Variants in CBLN2 observed in about 807,000 individuals in gnomAD.
CBLN2 encodes cerebellin-2.
A neutral mutation model predicts 15.0 loss-of-function variants in CBLN2; 7 were observed. The observed-to-expected ratio is 0.47, with a 90% CI of 0.27 to 0.88. The LOEUF (loss-of-function observed/expected upper bound fraction) is 0.88. CBLN2 is among the 40% of genes least tolerant of loss of function. The pLI is 0.14. For missense variants in CBLN2, 242 were observed against 304.5 expected (o/e 0.79, Z 1.53); for synonymous variants, 149 against 135.2 (o/e 1.10, Z -0.71).
intron 1 of CBLN2, chr18:72,618,171 G>A (rs1328526641): frequency 5.8e-6 from 1 of 173,592 alleles, no homozygotes; most frequent in Non-Finnish European, 1.2e-5. Context: ...GGCTATAAAA[G>A]TTTCCTTTCT....
At chr18:72,634,462 G>A (rs116152570) in intron 1 of CBLN2, among the ~76,000 whole-genome samples, 156 of 152,000 alleles carry the variant, frequency 1.0e-3, no homozygotes, top group African/African-American at 3.5e-3. Flanking sequence ...AATTGGATAA[G>A]ACCCTAATAA....
At chr18:72,548,782 C>T (rs780804249), upstream of CBLN2, among the ~76,000 whole-genome samples, 5 of 152,148 alleles carry the variant, frequency 3.3e-5, no homozygotes, top group Non-Finnish European at 7.3e-5. Flanking sequence ...CATGGGCATC[C>T]TCTGCATACT....
At chr18:72,577,072 A>G (rs2069372804) in intron 1 of CBLN2, among the ~76,000 whole-genome samples, 1 of 148,572 alleles carries the variant, frequency 6.7e-6, no homozygotes, top group Admixed American at 6.7e-5. Context: ...ATTTAGAATT[A>G]TAAAAAGGAT....
intron 1 of CBLN2, among the ~76,000 whole-genome samples, chr18:72,638,012 A>G (rs921267095): frequency 6.6e-6 from 1 of 152,188 alleles, no homozygotes; most frequent in Non-Finnish European, 1.5e-5. Context: ...AGACTGTGGT[A>G]GGAAAGCTTG....
At chr18:72,590,414 C>T (rs2069473029) in intron 1 of CBLN2, among the ~76,000 whole-genome samples, 1 of 152,086 alleles carries the variant, frequency 6.6e-6, no homozygotes, top group South Asian at 2.1e-4. Flanking sequence ...CTATTGCACT[C>T]CAGCCTGGAC....
chr18:72,583,699 G>A (rs2069422457), intron 1 of CBLN2, among the ~76,000 whole-genome samples: 1 of 152,090 alleles, frequency 6.6e-6, no homozygotes, highest in African/African-American at 2.4e-5. Flanking sequence ...TGTCTATAAA[G>A]CAACCAAGTG....
At chr18:72,577,789 A>G (rs1217509038) in intron 1 of CBLN2, among the ~76,000 whole-genome samples, 1 of 152,292 alleles carries the variant, frequency 6.6e-6, no homozygotes, top group Non-Finnish European at 1.5e-5. Flanking sequence ...CAATATGTAG[A>G]CGTAAATGTT....
chr18:72,571,686 AC>A (rs2069333167), intron 1 of CBLN2, among the ~76,000 whole-genome samples: 1 of 152,158 alleles, frequency 6.6e-6, no homozygotes, highest in Non-Finnish European at 1.5e-5. Flanking sequence ...AGCAAACTAA[AC>A]CTATTCAGTT....
At chr18:72,612,893 C>A (rs2069631864) in intron 1 of CBLN2, among the ~76,000 whole-genome samples, 3 of 152,208 alleles carry the variant, frequency 2.0e-5, no homozygotes, top group Admixed American at 2.0e-4. Flanking sequence ...AGAAGTTTAT[C>A]ATTTCACAGT....
intron 1 of CBLN2, among the ~76,000 whole-genome samples, chr18:72,633,288 T>G (rs891033960): frequency 2.0e-5 from 3 of 152,220 alleles, no homozygotes; most frequent in African/African-American, 7.2e-5. Flanking sequence ...TAATGTAGTT[T>G]TTAACACATT....
intron 1 of CBLN2, among the ~76,000 whole-genome samples, chr18:72,572,710 C>T (rs1269207013): frequency 2.0e-5 from 3 of 152,082 alleles, no homozygotes; most frequent in East Asian, 3.9e-4. Context: ...CATGTCATCA[C>T]GTCCAGCTTG....
intron 1 of CBLN2, among the ~76,000 whole-genome samples, chr18:72,556,362 TTCTA>T (rs2069226931): frequency 6.6e-6 from 1 of 152,248 alleles, no homozygotes; most frequent in African/African-American, 2.4e-5. Context: ...ATTATCCATT[TTCTA>T]TCTGTCTATC....
At chr18:72,548,815 A>C (rs1258143411), upstream of CBLN2, among the ~76,000 whole-genome samples, 2 of 152,084 alleles carry the variant, frequency 1.3e-5, no homozygotes, top group Non-Finnish European at 2.9e-5. Context: ...CCTGCACCAT[A>C]AATGCACCCA....
chr18:72,570,982 T>C (rs2069328919), intron 1 of CBLN2, among the ~76,000 whole-genome samples: 1 of 152,162 alleles, frequency 6.6e-6, no homozygotes, highest in Non-Finnish European at 1.5e-5. Flanking sequence ...TCTGTATACC[T>C]TATATCTCTC....
chr18:72,589,898 C>T (rs1215052455), intron 1 of CBLN2, among the ~76,000 whole-genome samples: 1 of 152,014 alleles, frequency 6.6e-6, no homozygotes. Context: ...TTTGGGAGGC[C>T]GAGGTGAGCA....
chr18:72,627,388 T>C (rs958355340), intron 1 of CBLN2, among the ~76,000 whole-genome samples: 1 of 152,238 alleles, frequency 6.6e-6, no homozygotes, highest in African/African-American at 2.4e-5. Flanking sequence ...ATTGCATTGC[T>C]ATTTTTGTTA....
chr18:72,598,428 C>A (rs774573203), intron 1 of CBLN2, among the ~76,000 whole-genome samples: 11 of 152,212 alleles, frequency 7.2e-5, no homozygotes, highest in African/African-American at 1.2e-4. Context: ...CGTTGCAAGA[C>A]AAAGTCCACT....
intron 1 of CBLN2, among the ~76,000 whole-genome samples, chr18:72,623,215 C>T (rs2069712853): frequency 6.6e-6 from 1 of 152,114 alleles, no homozygotes; most frequent in Non-Finnish European, 1.5e-5. Flanking sequence ...CCAGTCCCCT[C>T]CTTCAACACT....
At chr18:72,637,431 T>G (rs1227865371) in intron 1 of CBLN2, among the ~76,000 whole-genome samples, 1 of 152,188 alleles carries the variant, frequency 6.6e-6, no homozygotes, top group African/African-American at 2.4e-5. Flanking sequence ...GATTACATTT[T>G]CTGAGCAGAT....
Sources: gnomAD v4.1 joint callset for allele counts (sites outside exome capture counted in the v4.1 genomes callset) on GRCh38, gnomAD v4.1.1 for gene constraint, MANE v1.5 for transcripts, NCBI Gene and HGNC (gene_info 2026-07-23, HGNC 2026-07-21) for gene names.